ZKSCAN1: variants seen among roughly 807,000 people sequenced by gnomAD.
ZKSCAN1 encodes zinc finger with KRAB and SCAN domains 1.
In ZKSCAN1, 14 loss-of-function variants were observed where a neutral mutation model predicts 51.6. That is an observed-to-expected ratio of 0.27 (90% confidence interval 0.18 to 0.42). The LOEUF (loss-of-function observed/expected upper bound fraction) is 0.42, where lower values mean the gene tolerates loss of function less well. ZKSCAN1 is among the 10% of genes least tolerant of loss of function. The probability of loss-of-function intolerance (pLI) is 1.00; values close to 1 mark genes in which losing one functional copy is unlikely to be tolerated. For missense variants in ZKSCAN1, 531 were observed against 710.0 expected (o/e 0.75, Z 2.86); for synonymous variants, 263 against 261.5 (o/e 1.01, Z -0.06).
Position 100,041,022 on chromosome 7 carries a change from G to A in ZKSCAN1, c.*6825G>A, listed in dbSNP as rs1170034496. On this transcript the variant is annotated 3_prime_UTR_variant, in exon 6 of 6. Transcript: ENST00000324306. ...GCAAAATCAGTAATTATTTTAAAATGAACATATGTATTTTTATTAACTTTT... is the reference window on the plus strand; with the variant it reads ...GCAAAATCAGTAATTATTTTAAAATAAACATATGTATTTTTATTAACTTTT... The A allele has an allele frequency of 1.9e-5, 19 of 984,086 alleles. No homozygotes were observed. The highest frequency in any genetic ancestry group is 2.3e-5 in the Non-Finnish European group (19 of 828,852). 61.0% of individuals were successfully genotyped at this position (984,086 alleles called of 1,614,324 possible).
In ZKSCAN1 at chr7:100,035,497, G is replaced by T. The variant is rs1301182307; in HGVS notation, c.*1300G>T. 7 of 152,026 alleles carry T rather than the reference G, an allele frequency of 4.6e-5. No individual in the cohort carries two copies. The highest frequency in any genetic ancestry group is 1.7e-4 in the African/African-American group (7 of 41,366). The allele number at this position is 152,026 out of a possible 1,614,324, so 9.4% of individuals were successfully genotyped here. On this transcript the variant is annotated 3_prime_UTR_variant, in exon 6 of 6. Coordinates refer to ENST00000324306, the MANE Select transcript of ZKSCAN1 (RefSeq NM_003439.4). Reference sequence around the variant, plus strand: ...AGCTGCTGAACAGTATGATGATTTGGGGATTTTCTGAATCATTTGTACTTA... The same window carrying T: ...AGCTGCTGAACAGTATGATGATTTGTGGATTTTCTGAATCATTTGTACTTA...
chr7:100,044,440 G>A (rs1791673646), downstream of ZKSCAN1, among the ~76,000 whole-genome samples: 1 of 152,050 alleles, frequency 6.6e-6, no homozygotes, highest in Non-Finnish European at 1.5e-5. Flanking sequence ...GGCTGAGGCA[G>A]GCGGATCACG....
intron 3 of ZKSCAN1, among the ~76,000 whole-genome samples, chr7:100,027,935 C>G (rs1418304265): frequency 6.6e-6 from 1 of 151,908 alleles, no homozygotes; most frequent in Non-Finnish European, 1.5e-5. Flanking sequence ...TTTCAAAGAT[C>G]CTGGCACACA....
Position 100,038,609 on chromosome 7 carries a change from C to T in ZKSCAN1, c.*4412C>T, listed in dbSNP as rs1231446097. The T allele has an allele frequency of 1.0e-6, 1 of 985,332 alleles. No homozygotes were observed. Among genetic ancestry groups the T allele is most frequent in the East Asian group, 1.1e-4 (1 of 8,828 alleles). 61.0% of individuals were successfully genotyped at this position (985,332 alleles called of 1,614,324 possible). A position where few individuals can be genotyped will look rare whatever the true frequency, so the allele number is the denominator to read the frequency against. On this transcript the variant is annotated 3_prime_UTR_variant, in exon 6 of 6. Coordinates refer to ENST00000324306, the MANE Select transcript of ZKSCAN1 (RefSeq NM_003439.4). ...CCATGAAGCGAGAGTAGGAAGTGTA[C>T]TGGAATGGCCAAGTGGGACTGCTTC...
At chr7:100,018,489 C>T (rs570022400) in intron 1 of ZKSCAN1, among the ~76,000 whole-genome samples, 43 of 151,654 alleles carry the variant, frequency 2.8e-4, no homozygotes, top group Non-Finnish European at 4.6e-4. Context: ...CCCGGGTTCA[C>T]GCCATTCTCC....
rs571882338 is a variant in ZKSCAN1, at chr7:100,030,013, C to G, written c.672+61C>G. 2.0e-5 allele frequency: 32 copies of G among 1,577,364 alleles called. No homozygotes were observed. The South Asian group carries it at 3.1e-4, about 15-fold the overall frequency. On this transcript the variant is annotated intron_variant, in intron 4 of 5. Coordinates refer to ENST00000324306, the MANE Select transcript of ZKSCAN1 (RefSeq NM_003439.4). ...GTGTCTGCCTCTGTTCCTGAGCTCT[C>G]TTCATTATCTCCACAGGCCACTCTG...
chr7:100,027,895 AT>A (rs925546402), intron 3 of ZKSCAN1, among the ~76,000 whole-genome samples: 3 of 151,888 alleles, frequency 2.0e-5, no homozygotes, highest in Non-Finnish European at 4.4e-5. Flanking sequence ...TAAGCACTAG[AT>A]TATAGAGTTT....
Position 100,039,373 on chromosome 7 carries a change from A to C in ZKSCAN1, c.*5176A>C. 3 of 985,420 alleles carry C rather than the reference A, an allele frequency of 3.0e-6. No homozygotes were observed. Among genetic ancestry groups the C allele is most frequent in the Non-Finnish European group, 3.6e-6 (3 of 829,992 alleles). 61.0% of individuals were successfully genotyped at this position (985,420 alleles called of 1,614,324 possible). On this transcript the variant is annotated 3_prime_UTR_variant, in exon 6 of 6. Coordinates refer to ENST00000324306, the MANE Select transcript of ZKSCAN1 (RefSeq NM_003439.4). ...GGGATAGGAGAACAGCAAGGTGGGC[A>C]TTTCCCGGAATTGTGTGCAGATGCA...
chr7:100,034,786 ATC>A lies in ZKSCAN1; in HGVS notation c.*593_*594del, dbSNP rs1791276903. ...AATCAGTATCAAACCAAAGATTTCT[ATC>A]TCTTCCCGAAAGAGAGGGTATGTGC... is the stretch of plus-strand genomic sequence containing the variant. On this transcript the variant is annotated 3_prime_UTR_variant, in exon 6 of 6. Transcript: ENST00000324306. The A allele has an allele frequency of 6.3e-6, 1 of 158,574 alleles. No homozygotes were observed. Among genetic ancestry groups the A allele is most frequent in the African/African-American group, 2.4e-5 (1 of 41,558 alleles). 9.8% of individuals were successfully genotyped at this position (158,574 alleles called of 1,614,324 possible). A position where few individuals can be genotyped will look rare whatever the true frequency, so the allele number is the denominator to read the frequency against.
downstream of ZKSCAN1, among the ~76,000 whole-genome samples, chr7:100,042,073 G>A (rs1791612558): frequency 6.6e-6 from 1 of 152,094 alleles, no homozygotes; most frequent in African/African-American, 2.4e-5. Context: ...AATCCCTGCA[G>A]TTTGGGAGGC....
At chr7:100,021,236 T>C (rs1790577027) in intron 1 of ZKSCAN1, among the ~76,000 whole-genome samples, 1 of 146,422 alleles carries the variant, frequency 6.8e-6, no homozygotes, top group African/African-American at 2.5e-5. Context: ...TTCTCCTGCC[T>C]CAGTCTCCCA....
In ZKSCAN1 at chr7:100,033,605, CT is replaced by C. The variant is rs756126820; in HGVS notation, c.1101del (p.Glu368LysfsTer30). The C allele has an allele frequency of 6.2e-7, 1 of 1,614,190 alleles. No individual in the cohort carries two copies. On this transcript the variant is annotated frameshift_variant, in exon 6 of 6. Transcript: ENST00000324306. LOFTEE classifies it high-confidence loss of function. This position sits in a 1 kb window ranked among gnomAD's most constrained non-coding sequence, Gnocchi z 4.1. Reference protein sequence around the residue: ...SFSLSSNFTTPEEVPTGTKSH... With the variant: ...SFSLSSNFTTXEEVPTGTKSH... ...AGTCTGAGCTCCAACTTCACCACCC[CT>C]GAAGAAGTTCCCACGGGAACAAAGT...
In ZKSCAN1 at chr7:100,038,541, G is replaced by A; in HGVS notation, c.*4344G>A. 1 of 985,464 alleles carries A rather than the reference G, an allele frequency of 1.0e-6. No homozygotes were observed. The highest frequency in any genetic ancestry group is 4.7e-5 in the South Asian group (1 of 21,288). 61.0% of individuals were successfully genotyped at this position (985,464 alleles called of 1,614,324 possible). On this transcript the variant is annotated 3_prime_UTR_variant, in exon 6 of 6. Coordinates refer to ENST00000324306, the MANE Select transcript of ZKSCAN1 (RefSeq NM_003439.4). ...ACCTCTGAGCTGTCAGGTGACCACT[G>A]TGTGCAAAGGGGATGGATTCTCTTG...
At chr7:100,029,225 G>A (rs1331890097) in intron 3 of ZKSCAN1, among the ~76,000 whole-genome samples, 1 of 150,744 alleles carries the variant, frequency 6.6e-6, no homozygotes, top group East Asian at 1.9e-4. Context: ...TTACTTCCCT[G>A]CCTTTCTGGA....
Position 100,037,969 on chromosome 7 carries a change from A to G in ZKSCAN1, c.*3772A>G. On this transcript the variant is annotated 3_prime_UTR_variant, in exon 6 of 6. Coordinates refer to ENST00000324306, the MANE Select transcript of ZKSCAN1 (RefSeq NM_003439.4). The stretch of plus-strand genomic sequence containing the variant: ...TGCGAGGCGGAGGTTGCAGTGAGCT[A>G]AGATCATGCCACTGGCACTCCAGCC... 1.0e-6 allele frequency: 1 copy of G among 959,518 alleles called. No homozygotes were observed. Among genetic ancestry groups the G allele is most frequent in the Non-Finnish European group, 1.2e-6 (1 of 806,508 alleles). 59.4% of individuals were successfully genotyped at this position (959,518 alleles called of 1,614,324 possible). A position where few individuals can be genotyped will look rare whatever the true frequency, so the allele number is the denominator to read the frequency against.
At chr7:100,019,539 T>A (rs1165173602) in intron 1 of ZKSCAN1, among the ~76,000 whole-genome samples, 2 of 151,938 alleles carry the variant, frequency 1.3e-5, no homozygotes, top group African/African-American at 2.4e-5. Flanking sequence ...TTCATAGGCC[T>A]TCATTTTAGG....
At chr7:100,044,574 G>C (rs1008264201), downstream of ZKSCAN1, among the ~76,000 whole-genome samples, 3 of 151,488 alleles carry the variant, frequency 2.0e-5, no homozygotes, top group East Asian at 3.9e-4. Flanking sequence ...CCAGCTGCTC[G>C]GGAGGCTGAG....
chr7:100,036,021 A>G lies in ZKSCAN1; in HGVS notation c.*1824A>G. The G allele has an allele frequency of 2.0e-6, 2 of 985,452 alleles. No homozygotes were observed. Among genetic ancestry groups the G allele is most frequent in the South Asian group, 4.7e-5 (1 of 21,286 alleles). 61.0% of individuals were successfully genotyped at this position (985,452 alleles called of 1,614,324 possible). ...ATATATAGTTTGAGACTTTCCCTTG[A>G]GAAACTTATACTAAAACTATTACTC... is the stretch of plus-strand genomic sequence containing the variant. On this transcript the variant is annotated 3_prime_UTR_variant, in exon 6 of 6. Coordinates refer to ENST00000324306, the MANE Select transcript of ZKSCAN1 (RefSeq NM_003439.4).
Position 100,034,439 on chromosome 7 carries a change from C to A in ZKSCAN1, c.*242C>A. ...ACGGATAATCCACGTGAGATTTCCA[C>A]ACAAGAGAAAAGCACACGCATAGTG... On this transcript the variant is annotated 3_prime_UTR_variant, in exon 6 of 6. Coordinates refer to ENST00000324306, the MANE Select transcript of ZKSCAN1 (RefSeq NM_003439.4). 8.0e-7 allele frequency: 1 copy of A among 1,245,360 alleles called. No homozygotes were observed. 77.1% of individuals were successfully genotyped at this position (1,245,360 alleles called of 1,614,324 possible).
Sources: allele counts gnomAD v4.1 joint callset (sites outside exome capture counted in the v4.1 genomes callset), GRCh38; gene constraint gnomAD v4.1.1; non-coding constraint Gnocchi (gnomAD v3.1); transcripts MANE v1.5; gene names NCBI Gene and HGNC (gene_info 2026-07-23, HGNC 2026-07-21).